The following MTAP variants were observed in gnomAD, a reference collection of about 807,000 sequenced individuals.
The protein encoded by MTAP is S-methyl-5'-thioadenosine phosphorylase.
In MTAP, 33 loss-of-function variants were observed where a neutral mutation model predicts 33.6. The ratio of observed to expected loss-of-function variants is 0.98; its 90% CI spans 0.74 to 1.31. The LOEUF is 1.31. Among genes scored for constraint, MTAP ranks in the 40% most tolerant of loss-of-function variants. The pLI, the probability that MTAP is intolerant of heterozygous loss-of-function variation, is 0.00. For synonymous variants in MTAP, 148 were observed against 125.7 expected, an observed-to-expected ratio of 1.18 and a Z score of -1.19; for missense variants, 367 against 360.0, an observed-to-expected ratio of 1.02 and a Z score of -0.16.
At position 21,808,378 on chromosome 9, in the gene MTAP, C is replaced by T. The variant is rs558426708; in HGVS notation, c.33+5597C>T. On this transcript the variant is annotated intron_variant, in intron 1 of 7. Coordinates refer to ENST00000644715, the MANE Select transcript of MTAP (RefSeq NM_002451.4). ...GGTGGATAGACTGCTTGAGCTCAGG[C>T]GTTCAAGACCAGCCTGGGCAGCATG... Among the ~76,000 whole-genome samples, 189 of 151,190 alleles carry T rather than the reference C, an allele frequency of 1.3e-3. 1 individual carries two copies. Among genetic ancestry groups the T allele is most frequent in the Non-Finnish European group, 2.4e-3 (162 of 67,802 alleles).
At chr9:21,809,168 C>A (rs945363112) in intron 1 of MTAP, among the ~76,000 whole-genome samples, 2 of 152,164 alleles carry the variant, frequency 1.3e-5, no homozygotes, top group Non-Finnish European at 2.9e-5. Context: ...CTTCTTGCCT[C>A]CTTGTGATTT....
chr9:21,853,201 T>C (rs1047267203), intron 5 of MTAP, among the ~76,000 whole-genome samples: 1 of 152,082 alleles, frequency 6.6e-6, no homozygotes, highest in South Asian at 2.1e-4. Flanking sequence ...CTAGAAGCAC[T>C]GTGAACTTTA....
rs1050551130 is a variant in MTAP at position 21,862,409 on chromosome 9, A to G, written c.*395A>G. 4.9e-5 allele frequency: 8 copies of G among 163,262 alleles called. No homozygotes were observed. Among genetic ancestry groups the G allele is most frequent in the Non-Finnish European group, 9.2e-5 (7 of 76,116 alleles). The allele number at this position is 163,262 out of a possible 1,614,324, so 10.1% of individuals were successfully genotyped here. Reference sequence around the variant, plus strand: ...TTTATTGATGCGACTGTAAATTGGTACAGTATTTCTGGAGGGCAATTTGGT... The same window carrying G: ...TTTATTGATGCGACTGTAAATTGGTGCAGTATTTCTGGAGGGCAATTTGGT... On this transcript the variant is annotated 3_prime_UTR_variant, in exon 8 of 8. Coordinates refer to ENST00000644715, the MANE Select transcript of MTAP (RefSeq NM_002451.4).
At chr9:21,814,352 C>T (rs1460311391) in intron 1 of MTAP, among the ~76,000 whole-genome samples, 2 of 151,958 alleles carry the variant, frequency 1.3e-5, no homozygotes, top group Admixed American at 1.3e-4. Flanking sequence ...GAATTTTTTT[C>T]TTGAGGCCTA....
intron 4 of MTAP, among the ~76,000 whole-genome samples, chr9:21,826,063 G>A (rs1824790432): frequency 6.6e-6 from 1 of 151,768 alleles, no homozygotes; most frequent in South Asian, 2.1e-4. Context: ...GGTATGGTTT[G>A]TAAACATTTT....
chr9:21,814,250 G>A (rs972734489), intron 1 of MTAP, among the ~76,000 whole-genome samples: 2 of 152,132 alleles, frequency 1.3e-5, no homozygotes, highest in African/African-American at 4.8e-5. Context: ...AGCCAGAAAG[G>A]TAACCATTTT....
intron 5 of MTAP, among the ~76,000 whole-genome samples, chr9:21,838,930 C>G (rs552546840): frequency 6.6e-6 from 1 of 152,282 alleles, no homozygotes; most frequent in South Asian, 2.1e-4. Flanking sequence ...AATGTTAACA[C>G]CTGCATATAG....
intron 5 of MTAP, among the ~76,000 whole-genome samples, chr9:21,851,688 G>T (rs551577286): frequency 2.0e-3 from 307 of 152,314 alleles, no homozygotes; most frequent in African/African-American, 7.3e-3. Flanking sequence ...GGGTGTGTCT[G>T]TGAGGGTGTT....
chr9:21,811,113 G>A (rs964111220), intron 1 of MTAP, among the ~76,000 whole-genome samples: 1 of 152,250 alleles, frequency 6.6e-6, no homozygotes, highest in Non-Finnish European at 1.5e-5. Flanking sequence ...CTTATCGTGA[G>A]CTTGAGGCAC....
chr9:21,829,939 T>C (rs1233021979), intron 4 of MTAP, among the ~76,000 whole-genome samples: 1 of 152,140 alleles, frequency 6.6e-6, no homozygotes, highest in African/African-American at 2.4e-5. Flanking sequence ...TTTTTTCTTC[T>C]CTCTCTCATG....
chr9:21,835,020 A>C lies in MTAP; in HGVS notation c.348-2888A>C, dbSNP rs182689347. On this transcript the variant is annotated intron_variant, in intron 4 of 7. Coordinates refer to ENST00000644715, the MANE Select transcript of MTAP (RefSeq NM_002451.4). ...ACTGGGTAGCTTCTAAGCAACAGAA[A>C]TTTCTCACAGTCCTGGAGGCTGGGA... 2.6e-3 allele frequency among the ~76,000 whole-genome samples: 392 copies of C among 152,302 alleles called. 1 individual carries two copies. The highest frequency in any genetic ancestry group is 3.2e-3 in the Non-Finnish European group (217 of 68,030).
At chr9:21,824,485 A>C in intron 4 of MTAP, among the ~76,000 whole-genome samples, 1 of 152,134 alleles carries the variant, frequency 6.6e-6, no homozygotes, top group Non-Finnish European at 1.5e-5. Context: ...AGGGGTACCC[A>C]GCCGTGTGAG....
At chr9:21,937,839 C>T (rs1264847598), downstream of MTAP, among the ~76,000 whole-genome samples, 1 of 152,088 alleles carries the variant, frequency 6.6e-6, no homozygotes, top group Non-Finnish European at 1.5e-5. Flanking sequence ...ACTTTGTTTT[C>T]TTTCCTTATA....
At chr9:21,860,115 G>C (rs1825723655) in intron 7 of MTAP, 1 of 152,182 alleles carries the variant, frequency 6.6e-6, no homozygotes. Context: ...TGGTGGTGGA[G>C]AGAGGATTTG....
chr9:21,918,117 G>A (rs1387350088), intron 1 of MTAP, among the ~76,000 whole-genome samples: 1 of 129,256 alleles, frequency 7.7e-6, no homozygotes, highest in Admixed American at 7.4e-5. Flanking sequence ...TTGGGAGGCC[G>A]AGGCGGGCGG....
intron 1 of MTAP, among the ~76,000 whole-genome samples, chr9:21,883,146 T>C (rs944072198): frequency 7.0e-6 from 1 of 142,992 alleles, no homozygotes; most frequent in Non-Finnish European, 1.5e-5. Flanking sequence ...CAAAAACTGG[T>C]GTCCAGAATA....
At chr9:21,904,674 T>G (rs1818446538) in intron 1 of MTAP, among the ~76,000 whole-genome samples, 1 of 152,224 alleles carries the variant, frequency 6.6e-6, no homozygotes, top group Admixed American at 6.5e-5. Context: ...AAGAGATTTA[T>G]CTGACTCATG....
chr9:21,918,317 TC>T (rs1818727970), intron 1 of MTAP, among the ~76,000 whole-genome samples: 2 of 96,722 alleles, frequency 2.1e-5, no homozygotes, highest in Admixed American at 3.1e-4. Context: ...GCCACTGCAC[TC>T]CAGCCTGGGC....
At chr9:21,853,873 CTT>C (rs575632505) in intron 5 of MTAP, among the ~76,000 whole-genome samples, 2 of 151,774 alleles carry the variant, frequency 1.3e-5, no homozygotes, top group African/African-American at 4.8e-5. Flanking sequence ...GTTGAAAAGA[CTT>C]TTTTTTAATT....
Sources: allele counts gnomAD v4.1 joint callset (sites outside exome capture counted in the v4.1 genomes callset), GRCh38; gene constraint gnomAD v4.1.1; transcripts MANE v1.5; gene names NCBI Gene and HGNC (gene_info 2026-07-23, HGNC 2026-07-21).